SLC35E4: variants seen among roughly 807,000 people sequenced by gnomAD.
SLC35E4 encodes solute carrier family 35, member E4.
SLC35E4 carries 15 observed loss-of-function variants against 19.3 expected under a neutral mutation model. The ratio of observed to expected loss-of-function variants is 0.78; its 90% CI spans 0.52 to 1.20. The LOEUF (loss-of-function observed/expected upper bound fraction) is 1.20, where lower values mean the gene tolerates loss of function less well. Among genes scored for constraint, SLC35E4 ranks in the 50% most tolerant of loss-of-function variants. SLC35E4 has a pLI of 0.00. For missense variants in SLC35E4, 406 were observed against 472.3 expected, an observed-to-expected ratio of 0.86 and a Z score of 1.30; for synonymous variants, 219 against 219.9, an observed-to-expected ratio of 1.00 and a Z score of 0.04.
chr22:30,654,838 A>T (rs1239688443), intron 2 of SLC35E4: 2 of 185,250 alleles, frequency 1.1e-5, no homozygotes. Context: ...CTGGGAAAGG[A>T]GTTCCCTATT....
At position 30,647,431 on chromosome 22, in the gene SLC35E4, A is replaced by AGTG. The variant is rs539636600; in HGVS notation, c.*401_*403dup. 9.6e-3 allele frequency: 1,588 copies of AGTG among 165,120 alleles called. 18 individuals carry two copies. The highest frequency in any genetic ancestry group is 0.028 in the South Asian group (169 of 6,078). 10.2% of individuals were successfully genotyped at this position (165,120 alleles called of 1,614,324 possible). On this transcript the variant is annotated 3_prime_UTR_variant, in exon 2 of 2. Coordinates refer to ENST00000343605, the MANE Select transcript of SLC35E4 (RefSeq NM_001001479.4). ...AAAAAAAAAAAAGTGGAGAACTGGCAGTGACCTCTACTGGGGGCCATGGCA... is the reference window on the plus strand; with the variant it reads ...AAAAAAAAAAAAGTGGAGAACTGGCAGTGGTGACCTCTACTGGGGGCCATGGCA...
At chr22:30,637,759 G>C (rs2087973937) in intron 1 of SLC35E4, among the ~76,000 whole-genome samples, 1 of 152,194 alleles carries the variant, frequency 6.6e-6, no homozygotes, top group South Asian at 2.1e-4. Context: ...GGCTTGCCCT[G>C]GGCCACGTGG....
chr22:30,649,366 G>C, downstream of SLC35E4: 5 of 655,556 alleles, frequency 7.6e-6, no homozygotes, highest in South Asian at 8.8e-5. Context: ...GACCAGGCTG[G>C]GGCTGTGGTC....
At chr22:30,665,596 C>T (rs1456726444), downstream of SLC35E4, 1 of 467,870 alleles carries the variant, frequency 2.1e-6, no homozygotes, top group African/African-American at 2.0e-5. Context: ...AGATCACACC[C>T]CTCCCTCACG....
chr22:30,651,395 G>GTA (rs2088209814), downstream of SLC35E4, among the ~76,000 whole-genome samples: 7 of 54,044 alleles, frequency 1.3e-4, no homozygotes, highest in African/African-American at 5.9e-4. Context: ...GTGTGTGTGT[G>GTA]TGTGTATATA....
At chr22:30,663,594 C>T (rs755387475), downstream of SLC35E4, 4 of 1,614,228 alleles carry the variant, frequency 2.5e-6, no homozygotes, top group African/African-American at 1.3e-5. Context: ...GATGGGCCGG[C>T]ATGACTTGGT....
At chr22:30,667,096 T>C (rs141626786), downstream of SLC35E4, 516 of 152,332 alleles carry the variant, frequency 3.4e-3, 1 homozygote, top group African/African-American at 0.011. Context: ...TTCACCACTT[T>C]ACAGCCTATG....
chr22:30,658,085 A>G (rs967812842), intron 2 of SLC35E4, among the ~76,000 whole-genome samples: 4 of 151,826 alleles, frequency 2.6e-5, no homozygotes, highest in Non-Finnish European at 2.9e-5. Context: ...TAGCCTGGGC[A>G]ACAGAATAAG....
intron 1 of SLC35E4, among the ~76,000 whole-genome samples, chr22:30,638,501 CAAAAAAA>C (rs33962458): frequency 1.0e-3 from 67 of 64,132 alleles, no homozygotes; most frequent in African/African-American, 3.0e-3. Flanking sequence ...GACTCCATCT[CAAAAAAA>C]AAAAAAAAAA....
Position 30,636,875 on chromosome 22 carries a change from C to T in SLC35E4, c.425C>T (p.Thr142Ile), listed in dbSNP as rs911418575. Residue 142 changes from threonine (T) to isoleucine (I), a missense_variant, in exon 1 of 2, where the codon ACC (threonine) becomes ATC (isoleucine). By Grantham distance (89) the Thr-to-Ile change is moderately conservative (BLOSUM62 -1). Coordinates refer to ENST00000343605, the MANE Select transcript of SLC35E4 (RefSeq NM_001001479.4). ...GACCTGGCACAACTGGTTACTACCA[C>T]CACACCTCTGTTCACCCTGGCCCTG... ...PLDLAQLVTT[T>I]TPLFTLALSA... is the part of the protein sequence containing the mutation. 4 of 1,612,810 alleles carry T rather than the reference C, an allele frequency of 2.5e-6. No homozygotes were observed. Among genetic ancestry groups the T allele is most frequent in the African/African-American group, 2.7e-5 (2 of 74,930 alleles).
At chr22:30,665,570 T>C, downstream of SLC35E4, 1 of 470,772 alleles carries the variant, frequency 2.1e-6, no homozygotes, top group South Asian at 1.6e-5. Flanking sequence ...GTAACTGTTT[T>C]AAGGGAAATC....
downstream of SLC35E4, chr22:30,663,651 T>C (rs1375664455): frequency 5.6e-6 from 9 of 1,613,996 alleles, no homozygotes; most frequent in Admixed American, 1.7e-5. Flanking sequence ...CTTCATGAGG[T>C]AGGCGAGGCA....
chr22:30,651,622 G>T (rs2088224858), downstream of SLC35E4, among the ~76,000 whole-genome samples: 1 of 151,076 alleles, frequency 6.6e-6, no homozygotes, highest in Non-Finnish European at 1.5e-5. Flanking sequence ...ATTTAGTCTG[G>T]ACCCTATGTA....
Position 30,646,981 on chromosome 22 carries a change from G to A in SLC35E4, c.1003G>A (p.Ala335Thr), listed in dbSNP as rs148910498. The A allele has an allele frequency of 1.2e-5, 19 of 1,613,240 alleles. No individual in the cohort carries two copies. The African/African-American group carries it at 1.5e-4, about 12-fold the overall frequency. Residue 335 changes from alanine (A) to threonine (T), a missense_variant, in exon 2 of 2, where the codon GCT becomes ACT. Ala to Thr is a moderately conservative substitution (Grantham distance 58, BLOSUM62 0). Transcript: ENST00000343605. The part of the protein sequence containing the change: ...YHNCEFVASW[A>T]ARRGLWRRDQ... The stretch of plus-strand genomic sequence containing the variant: ...CAACTGCGAGTTCGTGGCCTCCTGG[G>A]CTGCCCGTCGGGGGCTGTGGCGGAG...
rs188669062 is a variant in SLC35E4 at position 30,642,536 on chromosome 22, G to A, written c.620-4062G>A. Among the ~76,000 whole-genome samples, 409 of 151,912 alleles carry A rather than the reference G, an allele frequency of 2.7e-3. 1 individual carries two copies. Among genetic ancestry groups the A allele is most frequent in the Non-Finnish European group, 4.9e-3 (331 of 67,938 alleles). On this transcript the variant is annotated intron_variant, in intron 1 of 1. Transcript: ENST00000343605. ...GCAGCTCACTTGAGGTCAGGAGTTC[G>A]AGACCAGCCTGGCCAGCATGGTGAA...
Position 30,646,845 on chromosome 22 carries a change from C to T in SLC35E4, c.867C>T (p.Asn289=). Residue 289 remains asparagine (N), a synonymous_variant, in exon 2 of 2, where the codon AAC becomes AAT. Transcript: ENST00000343605. ...TSALTVHVLG[N]LTVVGNLILS... ...CCCTCACCGTCCACGTCCTGGGCAACCTCACCGTGGTGGGCAACCTCATCC... is the reference window on the plus strand; with the variant it reads ...CCCTCACCGTCCACGTCCTGGGCAATCTCACCGTGGTGGGCAACCTCATCC... 6.2e-7 allele frequency: 1 copy of T among 1,614,244 alleles called. No homozygotes were observed. The highest frequency in any genetic ancestry group is 8.5e-7 in the Non-Finnish European group (1 of 1,180,040).
In SLC35E4 at chr22:30,636,751, C is replaced by G. The variant is rs767696676; in HGVS notation, c.301C>G (p.Pro101Ala). Residue 101 changes from proline (P) to alanine (A), a missense_variant, in exon 1 of 2, where the codon CCC becomes GCC. Coordinates refer to ENST00000343605, the MANE Select transcript of SLC35E4 (RefSeq NM_001001479.4). ...ALACHRGARR[P>A]MPGGTRCRVL... ...GGCATGCCACCGGGGGGCACGGCGCCCCATGCCAGGCGGCACTCGCTGCCG... is the reference window on the plus strand; with the variant it reads ...GGCATGCCACCGGGGGGCACGGCGCGCCATGCCAGGCGGCACTCGCTGCCG... 1 of 1,612,214 alleles carries G rather than the reference C, an allele frequency of 6.2e-7. No individual in the cohort carries two copies. Among genetic ancestry groups the G allele is most frequent in the Admixed American group, 1.7e-5 (1 of 59,944 alleles).
chr22:30,658,873 G>A (rs866219340), intron 2 of SLC35E4, among the ~76,000 whole-genome samples: 9 of 152,002 alleles, frequency 5.9e-5, no homozygotes, highest in Non-Finnish European at 8.8e-5. Context: ...GGCTGGGCGC[G>A]GTGGCTCACG....
chr22:30,650,246 C>A (rs1602083013), downstream of SLC35E4, among the ~76,000 whole-genome samples: 2 of 128,776 alleles, frequency 1.6e-5, no homozygotes, highest in African/African-American at 6.0e-5. Context: ...GCAGGAGAAT[C>A]GCTTGAACCT....
Sources: allele counts gnomAD v4.1 joint callset (sites outside exome capture counted in the v4.1 genomes callset), GRCh38; gene constraint gnomAD v4.1.1; transcripts MANE v1.5; gene names NCBI Gene and HGNC (gene_info 2026-07-23, HGNC 2026-07-21).